Variants in TNR observed in about 807,000 individuals in gnomAD.
TNR encodes the protein tenascin R.
Under a neutral mutation model 150.4 loss-of-function variants are expected in TNR, and 45 were observed. That is an observed-to-expected ratio of 0.30 (90% CI 0.24 to 0.38). The LOEUF (loss-of-function observed/expected upper bound fraction) is 0.38. Ranked by LOEUF, TNR falls within the 10% of genes least tolerant of loss-of-function variation. The pLI is 1.00. For synonymous variants in TNR, 687 were observed against 678.4 expected (o/e 1.01, Z -0.20); for missense variants, 1,544 against 1,759.1 (o/e 0.88, Z 2.19).
At chr1:175,532,485 G>A (rs545955915) in intron 1 of TNR, among the ~76,000 whole-genome samples, 2 of 152,288 alleles carry the variant, frequency 1.3e-5, no homozygotes, top group Admixed American at 1.3e-4. Flanking sequence ...TTCTTAGAGG[G>A]ATTTCTCTGA....
chr1:175,616,473 GA>G (rs1273260876), intron 1 of TNR, among the ~76,000 whole-genome samples: 27 of 152,202 alleles, frequency 1.8e-4, no homozygotes, highest in African/African-American at 6.3e-4. Context: ...CCACCTCTCT[GA>G]AGCAGAAATT....
At chr1:175,675,107 G>A (rs535135638) in intron 1 of TNR, among the ~76,000 whole-genome samples, 2 of 152,328 alleles carry the variant, frequency 1.3e-5, no homozygotes, top group South Asian at 4.1e-4. Context: ...CATTAAGTTT[G>A]CAAGACAGGA....
At chr1:175,555,575 T>G (rs1372665438) in intron 1 of TNR, among the ~76,000 whole-genome samples, 1 of 150,370 alleles carries the variant, frequency 6.7e-6, no homozygotes, top group Non-Finnish European at 1.5e-5. Flanking sequence ...ACTTACAAGA[T>G]GCAAAATTCA....
chr1:175,465,291 A>G (rs1223811714), intron 2 of TNR, among the ~76,000 whole-genome samples: 1 of 152,234 alleles, frequency 6.6e-6, no homozygotes, highest in Admixed American at 6.5e-5. Flanking sequence ...TCCTAGGTTG[A>G]AAGGGTTAAA....
chr1:175,718,068 C>T (rs981350118), intron 1 of TNR, among the ~76,000 whole-genome samples: 3 of 152,146 alleles, frequency 2.0e-5, no homozygotes, highest in Non-Finnish European at 4.4e-5. Context: ...GTAGCTGGTC[C>T]CTTTTGGCGC....
chr1:175,340,993 A>G (rs529182957), intron 18 of TNR, among the ~76,000 whole-genome samples: 3 of 152,308 alleles, frequency 2.0e-5, no homozygotes, highest in South Asian at 4.1e-4. Context: ...GATTGCATTT[A>G]GCCTGGAGTC....
chr1:175,389,428 C>T (rs1653073460), intron 7 of TNR, among the ~76,000 whole-genome samples: 1 of 152,192 alleles, frequency 6.6e-6, no homozygotes, highest in African/African-American at 2.4e-5. Flanking sequence ...GGTCTTGTCC[C>T]ACAGAGGAGG....
intron 7 of TNR, among the ~76,000 whole-genome samples, chr1:175,388,025 T>C (rs904815024): frequency 6.6e-6 from 1 of 152,244 alleles, no homozygotes; most frequent in Non-Finnish European, 1.5e-5. Flanking sequence ...TTTAACAGAA[T>C]ATATCCAGTT....
At chr1:175,537,315 C>T (rs1660330901) in intron 1 of TNR, among the ~76,000 whole-genome samples, 1 of 152,192 alleles carries the variant, frequency 6.6e-6, no homozygotes, top group African/African-American at 2.4e-5. Flanking sequence ...CCTCTCTTCA[C>T]CTGATATAAA....
chr1:175,662,475 C>T (rs1665407744), intron 1 of TNR, among the ~76,000 whole-genome samples: 1 of 152,210 alleles, frequency 6.6e-6, no homozygotes, highest in Admixed American at 6.5e-5. Flanking sequence ...TACTGGGCCT[C>T]CCCTAGGGCC....
chr1:175,382,877 G>T (rs1330461206), intron 8 of TNR, among the ~76,000 whole-genome samples: 1 of 151,462 alleles, frequency 6.6e-6, no homozygotes, highest in African/African-American at 2.4e-5. Context: ...CTCCAGACTG[G>T]GTGACAGAGT....
Position 175,386,317 on chromosome 1 carries a change from C to A in TNR, c.1508-16G>T. ...CCGTCAATGACTGAGTGAGAAGGAT[C>A]AAACAGAACAAAAAGTTTGAATGAG... On this transcript the variant is annotated splice_polypyrimidine_tract_variant and intron_variant, in intron 7 of 22. Coordinates refer to ENST00000367674, the MANE Select transcript of TNR (RefSeq NM_003285.3). 6.6e-7 allele frequency: 1 copy of A among 1,520,660 alleles called. No homozygotes were observed. The highest frequency in any genetic ancestry group is 1.3e-5 in the South Asian group (1 of 77,020). The allele number at this position is 1,520,660 out of a possible 1,614,324, so 94.2% of individuals were successfully genotyped here.
rs186265918 is a variant in TNR at position 175,707,365 on chromosome 1, C to A, written c.-165+35861G>T. On this transcript the variant is annotated intron_variant, in intron 1 of 22. Transcript: ENST00000367674. ...TTAAATTCTGCTGCTGGTATTACTA[C>A]AAACTTCCATTTTTCTGATATTTAT... is the stretch of plus-strand genomic sequence containing the variant. 5.5e-4 allele frequency among the ~76,000 whole-genome samples: 84 copies of A among 152,306 alleles called. 1 individual carries two copies. The highest frequency in any genetic ancestry group is 3.4e-3 in the Middle Eastern group (1 of 294).
rs560827863 is a variant in TNR, at chr1:175,421,080, G to A, written c.-63-14303C>T. 6.6e-5 allele frequency among the ~76,000 whole-genome samples: 10 copies of A among 152,172 alleles called. 1 individual carries two copies. Among genetic ancestry groups the A allele is most frequent in the African/African-American group, 2.4e-4 (10 of 41,472 alleles). ...TTAGTGAGCAGCTAGCTGAGGTGGG[G>A]GTGTGGGAGCTCACCAACATTGACT... On this transcript the variant is annotated intron_variant, in intron 2 of 22. Coordinates refer to ENST00000367674, the MANE Select transcript of TNR (RefSeq NM_003285.3).
In TNR at chr1:175,324,535, A is replaced by G; in HGVS notation, c.3794-16T>C. 1 of 1,612,508 alleles carries G rather than the reference A, an allele frequency of 6.2e-7. No individual in the cohort carries two copies. The highest frequency in any genetic ancestry group is 8.5e-7 in the Non-Finnish European group (1 of 1,179,172). ...AGGGAGTCCCCTGCAAAAAAGATACATTCATTAGGCTGTCCCATTTGTCAC... is the reference window on the plus strand; with the variant it reads ...AGGGAGTCCCCTGCAAAAAAGATACGTTCATTAGGCTGTCCCATTTGTCAC... On this transcript the variant is annotated splice_polypyrimidine_tract_variant and intron_variant, in intron 21 of 22. Coordinates refer to ENST00000367674, the MANE Select transcript of TNR (RefSeq NM_003285.3).
chr1:175,452,301 G>A (rs910847727), intron 2 of TNR, among the ~76,000 whole-genome samples: 4 of 152,222 alleles, frequency 2.6e-5, no homozygotes, highest in African/African-American at 4.8e-5. Flanking sequence ...CGCCCTGCTC[G>A]AAAGTCTAGC....
chr1:175,354,398 G>A lies in TNR; in HGVS notation c.3375C>T (p.Phe1125=), dbSNP rs1266901660. Residue 1125 remains phenylalanine (F), a synonymous_variant, in exon 18 of 23, where the codon TTC becomes TTT. Coordinates refer to ENST00000367674, the MANE Select transcript of TNR (RefSeq NM_003285.3). ...GTGGCCATGCTCCCTCACCTGTGGTGAAAGCGGTGGAGGTGATGCTGCTCC... is the reference window on the plus strand; with the variant it reads ...GTGGCCATGCTCCCTCACCTGTGGTAAAAGCGGTGGAGGTGATGCTGCTCC... ...TTWSSITSTA[F]TTGGRVFPHP... 4 of 1,613,966 alleles carry A rather than the reference G, an allele frequency of 2.5e-6. No individual in the cohort carries two copies. The highest frequency in any genetic ancestry group is 2.2e-5 in the South Asian group (2 of 91,068).
intron 21 of TNR, 124 bp from the exon 22 acceptor site, chr1:175,324,643 G>A (rs1649262807): frequency 2.7e-6 from 3 of 1,119,230 alleles, no homozygotes; most frequent in East Asian, 2.4e-5. Flanking sequence ...TTTCCACCCA[G>A]TTTCTCAGAG....
At chr1:175,468,527 A>G (rs1657132041) in intron 2 of TNR, among the ~76,000 whole-genome samples, 1 of 152,212 alleles carries the variant, frequency 6.6e-6, no homozygotes, top group Non-Finnish European at 1.5e-5. Flanking sequence ...AAGCTCAACA[A>G]CAGTGACATG....
Sources: gnomAD v4.1 joint callset for allele counts (sites outside exome capture counted in the v4.1 genomes callset) on GRCh38, gnomAD v4.1.1 for gene constraint, MANE v1.5 for transcripts, NCBI Gene and HGNC (gene_info 2026-07-23, HGNC 2026-07-21) for gene names.